ATAD2: variants seen among roughly 807,000 people sequenced by gnomAD.
ATAD2 encodes ATPase family AAA domain-containing protein 2.
In ATAD2, 62 loss-of-function variants were observed where a neutral mutation model predicts 168.9. The ratio of observed to expected loss-of-function variants is 0.37; its 90% confidence interval spans 0.30 to 0.45. The LOEUF (loss-of-function observed/expected upper bound fraction) is 0.45, where lower values mean the gene tolerates loss of function less well. ATAD2 is among the 20% of genes least tolerant of loss of function. The probability of loss-of-function intolerance (pLI) is 1.00; values close to 1 mark genes in which losing one functional copy is unlikely to be tolerated. For synonymous variants in ATAD2, 613 were observed against 571.6 expected, an observed-to-expected ratio of 1.07 and a Z score of -1.03; for missense variants, 1,419 against 1,667.8, an observed-to-expected ratio of 0.85 and a Z score of 2.60.
At chr8:123,332,909 G>T (rs1563834552) in intron 24 of ATAD2, among the ~76,000 whole-genome samples, 1 of 151,944 alleles carries the variant, frequency 6.6e-6, no homozygotes, top group Non-Finnish European at 1.5e-5. Flanking sequence ...AAGGCCTCTT[G>T]CTAATTTTCT....
intron 21 of ATAD2, among the ~76,000 whole-genome samples, chr8:123,337,053 CAAAAAAA>C (rs58960333): frequency 3.2e-5 from 2 of 62,008 alleles, no homozygotes; most frequent in African/African-American, 4.6e-5. Context: ...ACCCTTACTA[CAAAAAAA>C]AAAAAAAAAA....
At chr8:123,395,630 C>T (rs925527149) in intron 1 of ATAD2, among the ~76,000 whole-genome samples, 4 of 152,174 alleles carry the variant, frequency 2.6e-5, no homozygotes, top group Non-Finnish European at 4.4e-5. Context: ...GGGGGGCGTA[C>T]ATGAAATGTT....
At chr8:123,347,438 C>A (rs1250708085) in intron 15 of ATAD2, 32 bp from the exon 16 acceptor site, 1 of 1,532,254 alleles carries the variant, frequency 6.5e-7, no homozygotes, top group East Asian at 2.3e-5. Context: ...AGAAAAGAAC[C>A]AGCCGACCAA....
chr8:123,385,449 A>T (rs1169617638), intron 1 of ATAD2, among the ~76,000 whole-genome samples: 2 of 152,200 alleles, frequency 1.3e-5, no homozygotes, highest in African/African-American at 4.8e-5. Context: ...ATTCTTTTTA[A>T]TGTCAACATC....
At chr8:123,397,365 G>A (rs1398281199), upstream of ATAD2, among the ~76,000 whole-genome samples, 1 of 151,948 alleles carries the variant, frequency 6.6e-6, no homozygotes, top group Admixed American at 6.6e-5. Flanking sequence ...CATATAATCG[G>A]AAAGTAACTC....
intron 2 of ATAD2, 53 bp downstream of exon 2, chr8:123,380,476 T>G: frequency 6.3e-7 from 1 of 1,583,800 alleles, no homozygotes; most frequent in African/African-American, 1.4e-5. Flanking sequence ...AAGCAAATCC[T>G]AAATTACTGC....
rs1237495238 is a variant in ATAD2 at position 123,325,876 on chromosome 8, G to C, written c.4002+17C>G. 5.6e-6 allele frequency: 9 copies of C among 1,612,790 alleles called. No homozygotes were observed. Among genetic ancestry groups the C allele is most frequent in the Non-Finnish European group, 6.8e-6 (8 of 1,179,198 alleles). On this transcript the variant is annotated intron_variant, in intron 26 of 27. Coordinates refer to ENST00000287394, the MANE Select transcript of ATAD2 (RefSeq NM_014109.4). ...GTAATCTGCAGAGTAAAAGCATTAT[G>C]ATTTCAATTTACATACTTTTAATCG...
At chr8:123,334,589 G>C (rs981360766) in intron 22 of ATAD2, among the ~76,000 whole-genome samples, 1 of 151,978 alleles carries the variant, frequency 6.6e-6, no homozygotes, top group Non-Finnish European at 1.5e-5. Context: ...AAAAAAAAAG[G>C]AATCAATCAA....
intron 1 of ATAD2, 83 bp downstream of exon 1, chr8:123,396,104 C>G: frequency 1.4e-6 from 2 of 1,405,278 alleles, no homozygotes; most frequent in East Asian, 5.4e-5. Context: ...CGGCGCCGCC[C>G]ACCCCCAGGC....
At chr8:123,377,121 T>TGTG (rs1829343036) in intron 2 of ATAD2, among the ~76,000 whole-genome samples, 1 of 35,954 alleles carries the variant, frequency 2.8e-5, no homozygotes, top group African/African-American at 1.1e-4. Context: ...AAGAGCCAGG[T>TGTG]GTGGTGGTGC....
intron 13 of ATAD2, among the ~76,000 whole-genome samples, chr8:123,350,892 T>C (rs1828431930): frequency 1.3e-5 from 2 of 151,832 alleles, no homozygotes; most frequent in South Asian, 2.1e-4. Context: ...GCCTGGCTAA[T>C]TTTTTTGTAT....
At chr8:123,387,032 C>A (rs1466846918) in intron 1 of ATAD2, among the ~76,000 whole-genome samples, 5 of 151,946 alleles carry the variant, frequency 3.3e-5, no homozygotes, top group Admixed American at 3.3e-4. Context: ...GCAATACATG[C>A]CCATTATTAC....
chr8:123,338,850 G>T lies in ATAD2; in HGVS notation c.2854+461C>A, dbSNP rs185020299. 1.2e-3 allele frequency among the ~76,000 whole-genome samples: 179 copies of T among 152,208 alleles called. 1 individual carries two copies. In the Middle Eastern group the frequency reaches 0.014, roughly 12 times the overall value. On this transcript the variant is annotated intron_variant, in intron 20 of 27. Coordinates refer to ENST00000287394, the MANE Select transcript of ATAD2 (RefSeq NM_014109.4). ...GAGGTTGAGGCTGCAGTTGAGCCTC[G>T]ATCATGCCACTTCACTCCAGTGGAT...
chr8:123,353,855 C>A (rs941755711), intron 13 of ATAD2, among the ~76,000 whole-genome samples: 1 of 152,106 alleles, frequency 6.6e-6, no homozygotes, highest in East Asian at 1.9e-4. Context: ...GGTTTCAGGT[C>A]AAGTGGGTGG....
upstream of ATAD2, among the ~76,000 whole-genome samples, chr8:123,397,114 T>A (rs1812885881): frequency 6.6e-6 from 1 of 151,678 alleles, no homozygotes; most frequent in Non-Finnish European, 1.5e-5. Flanking sequence ...ATTATTCACC[T>A]CCCTGCATTC....
At chr8:123,404,431 C>A (rs996407134) in intron 1 of ATAD2, among the ~76,000 whole-genome samples, 2 of 152,138 alleles carry the variant, frequency 1.3e-5, no homozygotes, top group African/African-American at 4.8e-5. Context: ...TGTCTCCCAG[C>A]TGCTGGTGTC....
chr8:123,380,908 C>T (rs2129851147), intron 1 of ATAD2: 1 of 471,664 alleles, frequency 2.1e-6, no homozygotes, highest in East Asian at 3.9e-5. Flanking sequence ...GTTTATAGTT[C>T]ATAACAAGTA....
chr8:123,348,247 G>A lies in ATAD2; in HGVS notation c.1833C>T (p.His611=), dbSNP rs77106954. Residue 611 remains histidine, a synonymous_variant, in exon 15 of 28, where the codon CAC becomes CAT. Coordinates refer to ENST00000287394, the MANE Select transcript of ATAD2 (RefSeq NM_014109.4). ...GTGGTTTGGGATTCCAATCCCTGGT[G>A]TGAATCTTTAGAATCTCTTTTCGAG... ...KEARKEILKI[H]TRDWNPKPLD... The A allele has an allele frequency of 0.018, 28,608 of 1,598,622 alleles. 362 individuals are homozygous for A. The highest frequency in any genetic ancestry group is 0.04 in the African/African-American group (2,952 of 74,114).
At chr8:123,383,599 C>G (rs1000010368) in intron 1 of ATAD2, among the ~76,000 whole-genome samples, 3 of 151,892 alleles carry the variant, frequency 2.0e-5, no homozygotes, top group African/African-American at 7.2e-5. Flanking sequence ...TGGAGAAACC[C>G]TGTCTCTACT....
Sources: gnomAD v4.1 joint callset for allele counts (sites outside exome capture counted in the v4.1 genomes callset) on GRCh38, gnomAD v4.1.1 for gene constraint, MANE v1.5 for transcripts, NCBI Gene and HGNC (gene_info 2026-07-23, HGNC 2026-07-21) for gene names.